The following MS4A4A variants were observed in gnomAD, a reference collection of about 807,000 sequenced individuals.
MS4A4A encodes the protein membrane spanning 4-domains A4A.
MS4A4A carries 26 observed loss-of-function variants against 28.0 expected under a neutral mutation model. The observed-to-expected ratio is 0.93, with a 90% CI of 0.68 to 1.29. The LOEUF (loss-of-function observed/expected upper bound fraction) is 1.29, where lower values mean the gene tolerates loss of function less well. MS4A4A is among the 50% of genes most tolerant of loss of function. The pLI, the probability that MS4A4A is intolerant of heterozygous loss-of-function variation, is 0.00. For missense variants in MS4A4A, 290 were observed against 293.1 expected, an observed-to-expected ratio of 0.99 and a Z score of 0.08; for synonymous variants, 86 against 100.8, an observed-to-expected ratio of 0.85 and a Z score of 0.88.
chr11:60,289,296 A>G (rs768033763), intron 1 of MS4A4A, among the ~76,000 whole-genome samples: 8 of 152,100 alleles, frequency 5.3e-5, no homozygotes, highest in Non-Finnish European at 1.2e-4. Context: ...GAAGACTCTA[A>G]GTGTCTCCAG....
At chr11:60,294,181 T>C (rs1008257464) in intron 2 of MS4A4A, among the ~76,000 whole-genome samples, 4 of 152,356 alleles carry the variant, frequency 2.6e-5, no homozygotes, top group Admixed American at 6.5e-5. Flanking sequence ...CTCACTATCA[T>C]GTTAATTTGC....
At chr11:60,296,648 A>C (rs1013837738) in intron 2 of MS4A4A, among the ~76,000 whole-genome samples, 1 of 152,034 alleles carries the variant, frequency 6.6e-6, no homozygotes, top group Non-Finnish European at 1.5e-5. Context: ...ACATCCCATA[A>C]ATTTTGATAA....
chr11:60,292,040 C>CCAT (rs72514093), intron 1 of MS4A4A, among the ~76,000 whole-genome samples, 185 bp from the exon 2 acceptor site: 1 of 148,594 alleles, frequency 6.7e-6, no homozygotes, highest in Non-Finnish European at 1.5e-5. Context: ...TTCTCTCCCA[C>CCAT]CTGCCCCCGC....
In MS4A4A at chr11:60,308,893, T is replaced by C. The variant is rs2085032665; in HGVS notation, c.*715T>C. 2 of 152,252 alleles carry C rather than the reference T, an allele frequency of 1.3e-5. No homozygotes were observed. Among genetic ancestry groups the C allele is most frequent in the South Asian group, 4.1e-4 (2 of 4,834 alleles). The allele number at this position is 152,252 out of a possible 1,614,324, so 9.4% of individuals were successfully genotyped here. On this transcript the variant is annotated 3_prime_UTR_variant, in exon 7 of 7. Coordinates refer to ENST00000337908, the MANE Select transcript of MS4A4A (RefSeq NM_148975.3). ...GGCATAATTATATCTTAATCATATA[T>C]GGAAATGTGCAACATATGGTATTTG...
At chr11:60,299,287 T>C (rs937414012) in intron 3 of MS4A4A, among the ~76,000 whole-genome samples, 1 of 152,194 alleles carries the variant, frequency 6.6e-6, no homozygotes, top group African/African-American at 2.4e-5. Context: ...ATTTTTCTTA[T>C]GTAATTATTT....
At chr11:60,308,006 GAA>G in intron 6 of MS4A4A, 99 bp from the exon 7 acceptor site, 1 of 1,042,064 alleles carries the variant, frequency 9.6e-7, no homozygotes, top group East Asian at 2.4e-5. Context: ...AATCAGAGAA[GAA>G]AAGAGTAAAC....
At chr11:60,297,442 C>A in intron 3 of MS4A4A, 117 bp downstream of exon 3, 1 of 1,141,014 alleles carries the variant, frequency 8.8e-7, no homozygotes, top group Non-Finnish European at 1.2e-6. Context: ...AGAGTGGTAT[C>A]TAACCATTTC....
At chr11:60,297,421 CT>C (rs2084915912) in intron 3 of MS4A4A, 96 bp downstream of exon 3, 2 of 1,404,118 alleles carry the variant, frequency 1.4e-6, no homozygotes, top group Non-Finnish European at 1.9e-6. Context: ...TCTTGTAATT[CT>C]GTAAATCTGA....
chr11:60,302,876 CAT>C (rs758807563), intron 5 of MS4A4A, among the ~76,000 whole-genome samples, 159 bp downstream of exon 5: 25 of 152,290 alleles, frequency 1.6e-4, no homozygotes, highest in Non-Finnish European at 3.2e-4. Context: ...GAGTTAGGTA[CAT>C]GTCTCATCTC....
intron 3 of MS4A4A, among the ~76,000 whole-genome samples, chr11:60,299,715 C>T (rs956747020): frequency 6.6e-6 from 1 of 152,162 alleles, no homozygotes; most frequent in Non-Finnish European, 1.5e-5. Context: ...CCCGCCTCAG[C>T]CTCCCAAAGT....
chr11:60,300,671 T>G (rs7117320), intron 3 of MS4A4A, among the ~76,000 whole-genome samples: 111,119 of 149,278 alleles, frequency 0.74, 42,810 homozygotes, highest in Admixed American at 0.84. Context: ...TTTAGTGTAT[T>G]TTTTGTTTAA....
rs577420760 is a variant in MS4A4A, at chr11:60,302,751, T to C, written c.546+34T>C. The C allele has an allele frequency of 2.3e-5, 37 of 1,594,876 alleles. No homozygotes were observed. The Middle Eastern group carries it at 1.0e-3, about 43-fold the overall frequency. The stretch of plus-strand genomic sequence containing the variant: ...TGCCTCTTTTCAGGGGATATTATTA[T>C]AGAAGCAAGTTTGGGGAGTGCTGGC... On this transcript the variant is annotated intron_variant, in intron 5 of 6. Coordinates refer to ENST00000337908, the MANE Select transcript of MS4A4A (RefSeq NM_148975.3).
At chr11:60,280,992 G>T (rs1243318287) in intron 1 of MS4A4A, among the ~76,000 whole-genome samples, 1 of 152,132 alleles carries the variant, frequency 6.6e-6, no homozygotes, top group African/African-American at 2.4e-5. Context: ...TTTGTCCCCT[G>T]AGTCTTCAGG....
chr11:60,304,757 T>G (rs1307912416), intron 5 of MS4A4A, among the ~76,000 whole-genome samples: 2 of 152,254 alleles, frequency 1.3e-5, no homozygotes, highest in Non-Finnish European at 1.5e-5. Context: ...AGAGACCTTA[T>G]GGTCGGCAAA....
At chr11:60,292,412 A>T in intron 2 of MS4A4A, 28 bp downstream of exon 2, 1 of 1,557,918 alleles carries the variant, frequency 6.4e-7, no homozygotes, top group South Asian at 1.2e-5. Flanking sequence ...GGGAAGACCA[A>T]TGGTGTTGCA....
chr11:60,300,615 C>CA (rs760648433), intron 3 of MS4A4A, among the ~76,000 whole-genome samples: 4,928 of 35,796 alleles, frequency 0.14, 468 homozygotes, highest in South Asian at 0.15. Context: ...GACTCCGTCT[C>CA]AAAAAAAAAA....
intron 6 of MS4A4A, among the ~76,000 whole-genome samples, chr11:60,306,647 T>C (rs930600961): frequency 1.3e-5 from 2 of 152,176 alleles, no homozygotes; most frequent in Non-Finnish European, 2.9e-5. Flanking sequence ...ACAGGTTCCA[T>C]CCACACTTGA....
chr11:60,281,498 C>T (rs962825170), intron 1 of MS4A4A, among the ~76,000 whole-genome samples: 1 of 152,168 alleles, frequency 6.6e-6, no homozygotes, highest in Non-Finnish European at 1.5e-5. Flanking sequence ...TGGTTCCTAG[C>T]CCGGGCCTTT....
intron 5 of MS4A4A, chr11:60,305,690 C>T (rs1275112435): frequency 6.3e-6 from 1 of 157,840 alleles, no homozygotes; most frequent in African/African-American, 2.4e-5. Context: ...CCAGGGAGGT[C>T]TGCATTCTAA....
Sources: allele counts gnomAD v4.1 joint callset (sites outside exome capture counted in the v4.1 genomes callset), GRCh38; gene constraint gnomAD v4.1.1; transcripts MANE v1.5; gene names NCBI Gene and HGNC (gene_info 2026-07-23, HGNC 2026-07-21).